TLN2: variants seen among roughly 807,000 people sequenced by gnomAD.
The protein encoded by TLN2 is talin 2.
TLN2 carries 118 observed loss-of-function variants against 294.7 expected under a neutral mutation model. That is an observed-to-expected ratio of 0.40 (90% CI 0.34 to 0.47). The LOEUF is 0.47. Ranked by LOEUF, TLN2 falls within the 20% of genes least tolerant of loss-of-function variation. The probability of loss-of-function intolerance (pLI) is 0.84; values close to 1 mark genes in which losing one functional copy is unlikely to be tolerated. For missense variants in TLN2, 3,083 were observed against 3,282.2 expected (o/e 0.94, Z 1.48); for synonymous variants, 1,431 against 1,304.5 (o/e 1.10, Z -2.09).
At chr15:62,725,880 C>CTGAA (rs762798403) in intron 27 of TLN2, among the ~76,000 whole-genome samples, 10 of 152,160 alleles carry the variant, frequency 6.6e-5, no homozygotes, top group Non-Finnish European at 1.3e-4. Flanking sequence ...TTTGAACGAA[C>CTGAA]TGAAGACTTT....
chr15:62,543,336 C>T (rs1003700815), intron 1 of TLN2, among the ~76,000 whole-genome samples: 4 of 152,174 alleles, frequency 2.6e-5, no homozygotes, highest in Non-Finnish European at 4.4e-5. Flanking sequence ...TGCTGAGTAC[C>T]TACTATGCCA....
chr15:62,620,533 C>T (rs992315329), intron 3 of TLN2, among the ~76,000 whole-genome samples: 2 of 151,088 alleles, frequency 1.3e-5, no homozygotes, highest in African/African-American at 4.9e-5. Flanking sequence ...AGCTGGAGCG[C>T]AGTGGCATGA....
chr15:62,726,119 C>A (rs16945573), intron 27 of TLN2, among the ~76,000 whole-genome samples: 3 of 152,078 alleles, frequency 2.0e-5, no homozygotes, highest in Non-Finnish European at 4.4e-5. Context: ...TTCTATACCC[C>A]AGGGAGTGCA....
intron 9 of TLN2, among the ~76,000 whole-genome samples, chr15:62,661,043 T>C (rs1389564640): frequency 6.6e-6 from 1 of 152,120 alleles, no homozygotes; most frequent in Non-Finnish European, 1.5e-5. Flanking sequence ...ATTGACAAAG[T>C]AGAAGGTCAA....
chr15:62,723,187 G>A (rs1273876768), intron 26 of TLN2, among the ~76,000 whole-genome samples: 1 of 152,190 alleles, frequency 6.6e-6, no homozygotes, highest in Admixed American at 6.5e-5. Context: ...GAAGTTGACT[G>A]AATTCTTAAT....
chr15:62,548,343 G>A (rs1436433187), intron 1 of TLN2, among the ~76,000 whole-genome samples: 1 of 152,160 alleles, frequency 6.6e-6, no homozygotes, highest in Non-Finnish European at 1.5e-5. Context: ...AGAGAATCGG[G>A]TAAAATGGGA....
intron 9 of TLN2, among the ~76,000 whole-genome samples, chr15:62,658,868 AG>A (rs2140963871): frequency 6.6e-6 from 1 of 152,308 alleles, no homozygotes; most frequent in Non-Finnish European, 1.5e-5. Context: ...CATCAGCCTG[AG>A]GATTATGGCC....
At chr15:62,512,330 C>T (rs573624927) in intron 1 of TLN2, among the ~76,000 whole-genome samples, 48 of 152,206 alleles carry the variant, frequency 3.2e-4, no homozygotes, top group Admixed American at 1.2e-3. Context: ...CTGGACCTCT[C>T]GGTTCAGAAA....
chr15:62,425,840 C>T (rs1293097864), intron 1 of TLN2, among the ~76,000 whole-genome samples: 2 of 152,144 alleles, frequency 1.3e-5, no homozygotes, highest in Non-Finnish European at 2.9e-5. Context: ...AGTTAATTTA[C>T]CATCATTGGT....
At chr15:62,819,215 A>G (rs2067357649) in intron 52 of TLN2, among the ~76,000 whole-genome samples, 1 of 152,158 alleles carries the variant, frequency 6.6e-6, no homozygotes, top group South Asian at 2.1e-4. Context: ...TTTATGTACA[A>G]ATAAAGGACA....
Position 62,647,280 on chromosome 15 carries a change from C to T in TLN2, c.-31C>T. On this transcript the variant is annotated 5_prime_UTR_variant, in exon 4 of 59. Transcript: ENST00000636159. ...TGTCTCTTTGTGTTTTCCAGACATT[C>T]TAAGTGAGACTGTCCACATCATCTA... 1 of 1,602,440 alleles carries T rather than the reference C, an allele frequency of 6.2e-7. No homozygotes were observed. The highest frequency in any genetic ancestry group is 8.5e-7 in the Non-Finnish European group (1 of 1,172,578).
chr15:62,667,760 G>T (rs2054890031), intron 9 of TLN2, among the ~76,000 whole-genome samples: 1 of 152,136 alleles, frequency 6.6e-6, no homozygotes, highest in African/African-American at 2.4e-5. Flanking sequence ...GGTCAGACTA[G>T]GAAACATCTT....
chr15:62,514,980 T>C (rs1421817814), intron 1 of TLN2, among the ~76,000 whole-genome samples: 2 of 152,146 alleles, frequency 1.3e-5, no homozygotes, highest in Non-Finnish European at 2.9e-5. Flanking sequence ...GAGGAGCAGG[T>C]ATGAGGCAAA....
intron 22 of TLN2, among the ~76,000 whole-genome samples, chr15:62,714,115 A>C (rs1306761095): frequency 2.6e-5 from 4 of 151,650 alleles, no homozygotes; most frequent in African/African-American, 9.7e-5. Context: ...TATTTTACAA[A>C]TGAAAAAAAT....
In TLN2 at chr15:62,739,421, C is replaced by G; in HGVS notation, c.3761C>G (p.Ser1254Cys). ...LNQAAADLNQ[S>C]AGEVVHATRG... ...CAGGCAGCAGCTGATCTGAACCAGT[C>G]TGCTGGGGAAGTGGTCCATGCCACC... Residue 1254 changes from serine (S) to cysteine (C), a missense_variant, in exon 31 of 59, where the codon TCT (serine) becomes TGT (cysteine). Physicochemically the swap from Ser to Cys is moderately radical, Grantham distance 112. Transcript: ENST00000636159. 1.2e-6 allele frequency: 2 copies of G among 1,614,186 alleles called. No homozygotes were observed. The highest frequency in any genetic ancestry group is 1.7e-6 in the Non-Finnish European group (2 of 1,180,038).
chr15:62,777,619 G>C (rs530523787), intron 43 of TLN2, among the ~76,000 whole-genome samples: 1 of 151,934 alleles, frequency 6.6e-6, no homozygotes, highest in African/African-American at 2.4e-5. Context: ...AGATTCCAAG[G>C]CTCCACCCCC....
chr15:62,509,236 A>G (rs965128632), intron 1 of TLN2, among the ~76,000 whole-genome samples: 3 of 151,970 alleles, frequency 2.0e-5, no homozygotes, highest in Non-Finnish European at 2.9e-5. Flanking sequence ...TAGCTACTTC[A>G]TAAAAATGGA....
At chr15:62,676,106 A>C (rs1162641547) in intron 11 of TLN2, among the ~76,000 whole-genome samples, 1 of 152,194 alleles carries the variant, frequency 6.6e-6, no homozygotes, top group Non-Finnish European at 1.5e-5. Flanking sequence ...GGCTGCATCC[A>C]GGGACTGAAG....
At chr15:62,599,858 GT>G (rs1385109004) in intron 2 of TLN2, among the ~76,000 whole-genome samples, 1 of 152,160 alleles carries the variant, frequency 6.6e-6, no homozygotes, top group Non-Finnish European at 1.5e-5. Context: ...CTTGTCAGAA[GT>G]TTGGATTCAG....
Sources: allele counts gnomAD v4.1 joint callset (sites outside exome capture counted in the v4.1 genomes callset), GRCh38; gene constraint gnomAD v4.1.1; transcripts MANE v1.5; gene names NCBI Gene and HGNC (gene_info 2026-07-23, HGNC 2026-07-21).